Variants in FAM20B observed in about 807,000 individuals in gnomAD.
The protein encoded by FAM20B is FAM20B glycosaminoglycan xylosylkinase, also known as glycosaminoglycan xylosylkinase.
FAM20B carries 23 observed loss-of-function variants against 43.8 expected under a neutral mutation model. The observed-to-expected ratio is 0.53, with a 90% confidence interval of 0.38 to 0.74. The LOEUF (loss-of-function observed/expected upper bound fraction) is 0.74. Among genes scored for constraint, FAM20B ranks in the 30% least tolerant of loss-of-function variants. The pLI is 0.00. For synonymous variants in FAM20B, 178 were observed against 192.4 expected (o/e 0.93, Z 0.62); for missense variants, 440 against 510.5 (o/e 0.86, Z 1.33).
intron 3 of FAM20B, among the ~76,000 whole-genome samples, chr1:179,054,106 T>G (rs756475224): frequency 2.6e-5 from 4 of 151,524 alleles, no homozygotes; most frequent in Non-Finnish European, 5.9e-5. Flanking sequence ...TAGATCAGTC[T>G]GCTTTTTTTT....
chr1:179,025,559 C>T (rs1173375999), upstream of FAM20B, among the ~76,000 whole-genome samples: 1 of 152,032 alleles, frequency 6.6e-6, no homozygotes, highest in Non-Finnish European at 1.5e-5. Context: ...TGCCTACCTA[C>T]CTAAGAAAAG....
rs1160986692 is a variant in FAM20B at position 179,076,513 on chromosome 1, C to G, written c.*4369C>G. On this transcript the variant is annotated 3_prime_UTR_variant, in exon 8 of 8. Coordinates refer to ENST00000263733, the MANE Select transcript of FAM20B (RefSeq NM_014864.4). Reference sequence around the variant, plus strand: ...TATGGATCTAAATTTCTAATGTGTTCTATGGGTTTCAATTCTGAAAAAAGA... The same window carrying G: ...TATGGATCTAAATTTCTAATGTGTTGTATGGGTTTCAATTCTGAAAAAAGA... 1 of 152,376 alleles carries G rather than the reference C, an allele frequency of 6.6e-6. No homozygotes were observed. Among genetic ancestry groups the G allele is most frequent in the Non-Finnish European group, 1.5e-5 (1 of 67,984 alleles). 9.4% of individuals were successfully genotyped at this position (152,376 alleles called of 1,614,324 possible). A position where few individuals can be genotyped will look rare whatever the true frequency, so the allele number is the denominator to read the frequency against.
rs748228904 is a variant in FAM20B at position 179,043,829 on chromosome 1, A to G, written c.-19A>G. The G allele has an allele frequency of 6.4e-7, 1 of 1,570,874 alleles. No individual in the cohort carries two copies. The highest frequency in any genetic ancestry group is 8.7e-7 in the Non-Finnish European group (1 of 1,153,618). ...TACATGAGCAAGAGTGGGTCAGGGG[A>G]GAAGGAAAAGAGGTCAACATGAAGC... On this transcript the variant is annotated 5_prime_UTR_variant, in exon 2 of 8. Coordinates refer to ENST00000263733, the MANE Select transcript of FAM20B (RefSeq NM_014864.4).
Position 179,075,493 on chromosome 1 carries a change from G to A in FAM20B, c.*3349G>A, listed in dbSNP as rs751782042. 2 of 152,528 alleles carry A rather than the reference G, an allele frequency of 1.3e-5. No individual in the cohort carries two copies. The highest frequency in any genetic ancestry group is 2.9e-5 in the Non-Finnish European group (2 of 68,014). 9.4% of individuals were successfully genotyped at this position (152,528 alleles called of 1,614,324 possible). On this transcript the variant is annotated 3_prime_UTR_variant, in exon 8 of 8. Coordinates refer to ENST00000263733, the MANE Select transcript of FAM20B (RefSeq NM_014864.4). ...TTATAAAACTGTTCTTTAGTGTAAG[G>A]CTGCATTGTGGGTTTGGGGGAAATG...
In FAM20B at chr1:179,049,441, C is replaced by T. The variant is rs79560918; in HGVS notation, c.378-838C>T. On this transcript the variant is annotated intron_variant, in intron 2 of 7. Transcript: ENST00000263733. ...TTATTCAAACAACTTTTTTCAAAAG[C>T]GCTGTTGCCTTCCCATTAACAAAGA... 5.0e-3 allele frequency among the ~76,000 whole-genome samples: 761 copies of T among 152,220 alleles called. 50 individuals carry two copies. The East Asian group carries it at 0.12, about 24-fold the overall frequency.
chr1:179,040,990 G>A (rs1374208270), intron 1 of FAM20B, among the ~76,000 whole-genome samples: 2 of 149,222 alleles, frequency 1.3e-5, no homozygotes, highest in African/African-American at 5.0e-5. Context: ...CCGGCGGGCA[G>A]AGGCGCTCCC....
intron 7 of FAM20B, among the ~76,000 whole-genome samples, chr1:179,071,508 C>A (rs1651923111): frequency 6.6e-6 from 1 of 152,132 alleles, no homozygotes; most frequent in African/African-American, 2.4e-5. Context: ...TTTCCTCCAA[C>A]CTCTTCCCCC....
At position 179,028,919 on chromosome 1, in the gene FAM20B, A is replaced by G. The variant is rs529731901; in HGVS notation, c.-134+2821A>G. ...TCAAAAGAAAAAAAAAGCGTAGAAA[A>G]TGTGTTTCGGATTACTGTTCAAAAT... On this transcript the variant is annotated intron_variant, in intron 1 of 7. Transcript: ENST00000263733. Among the ~76,000 whole-genome samples, 6 of 152,330 alleles carry G rather than the reference A, an allele frequency of 3.9e-5. No individual in the cohort carries two copies. The East Asian group carries it at 7.7e-4, about 20-fold the overall frequency.
chr1:179,040,267 G>C (rs1215640757), intron 1 of FAM20B, among the ~76,000 whole-genome samples: 3 of 152,292 alleles, frequency 2.0e-5, no homozygotes, highest in Non-Finnish European at 2.9e-5. Context: ...CAGACGGGGT[G>C]GTGGCCGGGC....
At chr1:179,030,673 TTAAACC>T (rs1649972959) in intron 1 of FAM20B, among the ~76,000 whole-genome samples, 1 of 152,226 alleles carries the variant, frequency 6.6e-6, no homozygotes, top group Non-Finnish European at 1.5e-5. Context: ...GAGGCAGTCT[TTAAACC>T]AGAGAGTTGC....
At position 179,059,754 on chromosome 1, in the gene FAM20B, A is replaced by G. The variant is rs1651378366; in HGVS notation, c.575-4173A>G. Reference sequence around the variant, plus strand: ...TGGGAGGCTGAGGCAGGAGGATCACATGAGGCCAGGAGTTTGAGACCAGCC... The same window carrying G: ...TGGGAGGCTGAGGCAGGAGGATCACGTGAGGCCAGGAGTTTGAGACCAGCC... On this transcript the variant is annotated intron_variant, in intron 4 of 7. Transcript: ENST00000263733. 2.6e-5 allele frequency among the ~76,000 whole-genome samples: 4 copies of G among 152,004 alleles called. No individual in the cohort carries two copies. The South Asian group carries it at 6.2e-4, about 24-fold the overall frequency.
intron 4 of FAM20B, among the ~76,000 whole-genome samples, chr1:179,058,834 G>A (rs574980993): frequency 6.6e-6 from 1 of 152,310 alleles, no homozygotes; most frequent in South Asian, 2.1e-4. Flanking sequence ...AGTTGGAATG[G>A]AAAGAATTTG....
chr1:179,043,176 A>G (rs149911752), intron 1 of FAM20B, among the ~76,000 whole-genome samples: 1 of 152,294 alleles, frequency 6.6e-6, no homozygotes, highest in East Asian at 1.9e-4. Flanking sequence ...TCCCATGCTC[A>G]TTGGTGCCCA....
chr1:179,042,667 G>T (rs188970889), intron 1 of FAM20B, among the ~76,000 whole-genome samples: 8 of 152,286 alleles, frequency 5.3e-5, no homozygotes, highest in African/African-American at 1.7e-4. Flanking sequence ...CTGACAACTG[G>T]GGGTGAGCAA....
chr1:179,058,906 T>C (rs1651341585), intron 4 of FAM20B, among the ~76,000 whole-genome samples: 3 of 152,120 alleles, frequency 2.0e-5, no homozygotes. Flanking sequence ...GACTCCTAGG[T>C]TTCTGGATTG....
At position 179,032,313 on chromosome 1, in the gene FAM20B, C is replaced by CTTTTTTTTTTTTTT. The variant is rs547439601; in HGVS notation, c.-134+6228_-134+6241dup. 1.8e-5 allele frequency among the ~76,000 whole-genome samples: 2 copies of CTTTTTTTTTTTTTT among 111,936 alleles called. 1 individual carries two copies. The allele number at this position is 111,936 out of a possible 152,430, so 73.4% of individuals were successfully genotyped here. ...GCACAACACATGTAGAGGTCTCATT[C>CTTTTTTTTTTTTTT]TTTTTTTTTTTTTTTTTTTTTTTTT... On this transcript the variant is annotated intron_variant, in intron 1 of 7. Coordinates refer to ENST00000263733, the MANE Select transcript of FAM20B (RefSeq NM_014864.4).
chr1:179,043,051 G>T (rs528013825), intron 1 of FAM20B, among the ~76,000 whole-genome samples: 1 of 152,096 alleles, frequency 6.6e-6, no homozygotes, highest in Non-Finnish European at 1.5e-5. Context: ...ATCCCTTTCC[G>T]CCCAGGAGCC....
At chr1:179,038,199 A>G (rs892727107) in intron 1 of FAM20B, among the ~76,000 whole-genome samples, 12 of 152,084 alleles carry the variant, frequency 7.9e-5, no homozygotes, top group Non-Finnish European at 1.2e-4. Flanking sequence ...ACCTGAGGTC[A>G]GGAGTTCAAG....
At chr1:179,039,364 TCAGCCCC>T (rs1304356887) in intron 1 of FAM20B, among the ~76,000 whole-genome samples, 1 of 152,206 alleles carries the variant, frequency 6.6e-6, no homozygotes, top group Non-Finnish European at 1.5e-5. Flanking sequence ...CAGAGTGTGG[TCAGCCCC>T]ATGCTAGAAG....
Sources: allele counts gnomAD v4.1 joint callset (sites outside exome capture counted in the v4.1 genomes callset), GRCh38; gene constraint gnomAD v4.1.1; transcripts MANE v1.5; gene names NCBI Gene and HGNC (gene_info 2026-07-23, HGNC 2026-07-21).